The following CCDC171 variants were observed in gnomAD, a reference collection of about 807,000 sequenced individuals.
CCDC171 encodes the protein coiled-coil domain-containing protein 171.
A neutral mutation model predicts 168.2 loss-of-function variants in CCDC171; 177 were observed. The observed-to-expected ratio is 1.05, with a 90% CI of 0.93 to 1.19. The LOEUF is 1.19. Among genes scored for constraint, CCDC171 ranks in the 50% most tolerant of loss-of-function variants. CCDC171 has a pLI of 0.00. For missense variants in CCDC171, 1,991 were observed against 1,539.0 expected (o/e 1.29, Z -4.91); for synonymous variants, 687 against 540.8 (o/e 1.27, Z -3.75).
In CCDC171 at chr9:15,623,475, G is replaced by GCGCACGCGCGCGCACACA; in HGVS notation, c.822+63_822+64insGCACGCGCGCGCACACAC. On this transcript the variant is annotated intron_variant, in intron 7 of 25. Transcript: ENST00000380701. ...CAAACTTTCACATATGCGCGCGCGC[G>GCGCACGCGCGCGCACACA]CACACACACACACACACACACACAC... 4 of 315,478 alleles carry GCGCACGCGCGCGCACACA rather than the reference G, an allele frequency of 1.3e-5. No homozygotes were observed. In the East Asian group the frequency reaches 3.1e-4, roughly 25 times the overall value. 19.5% of individuals were successfully genotyped at this position (315,478 alleles called of 1,614,324 possible). A position where few individuals can be genotyped will look rare whatever the true frequency, so the allele number is the denominator to read the frequency against.
At chr9:15,631,042 A>G (rs1190631031) in intron 7 of CCDC171, among the ~76,000 whole-genome samples, 2 of 152,160 alleles carry the variant, frequency 1.3e-5, no homozygotes, top group African/African-American at 4.8e-5. Context: ...GGAAATTTAT[A>G]GCACTAAATG....
chr9:15,946,139 T>C (rs1828347527), intron 25 of CCDC171, among the ~76,000 whole-genome samples: 1 of 151,966 alleles, frequency 6.6e-6, no homozygotes, highest in Non-Finnish European at 1.5e-5. Context: ...AAATAGGGAA[T>C]CCTTTCCCCA....
At chr9:15,791,915 A>G (rs903206167) in intron 21 of CCDC171, among the ~76,000 whole-genome samples, 1 of 152,070 alleles carries the variant, frequency 6.6e-6, no homozygotes. Flanking sequence ...AAATCAGAGC[A>G]CCTCTCCCCC....
chr9:15,940,247 C>G (rs1827562251), intron 25 of CCDC171, among the ~76,000 whole-genome samples: 1 of 151,982 alleles, frequency 6.6e-6, no homozygotes, highest in Admixed American at 6.6e-5. Flanking sequence ...TGAATAAAGA[C>G]TTTTCATAGT....
chr9:15,964,070 T>C (rs534256125), intron 25 of CCDC171, among the ~76,000 whole-genome samples: 27 of 152,338 alleles, frequency 1.8e-4, no homozygotes, highest in Non-Finnish European at 2.9e-4. Context: ...AGCCATGTAC[T>C]GAGCTGTGGA....
the CCDC171 span, among the ~76,000 whole-genome samples, chr9:16,078,155 G>C: frequency 1.3e-5 from 2 of 151,656 alleles, no homozygotes; most frequent in African/African-American, 4.8e-5. Flanking sequence ...CAGTGTATAC[G>C]TATGTCAAAA....
chr9:15,830,235 G>C (rs2060173879), intron 21 of CCDC171, among the ~76,000 whole-genome samples: 1 of 152,124 alleles, frequency 6.6e-6, no homozygotes. Flanking sequence ...TTTTATGGTG[G>C]TGGAAACTTG....
chr9:15,633,493 A>T lies in CCDC171; in HGVS notation c.822+10080A>T, dbSNP rs577692362. ...AATGAGATACCATCTCACACCAGTT[A>T]GAATGGCAATCATTAAAAAGTCAGG... On this transcript the variant is annotated intron_variant, in intron 7 of 25. Transcript: ENST00000380701. Among the ~76,000 whole-genome samples the T allele has an allele frequency of 7.4e-3, 1,133 of 152,326 alleles. 9 individuals are homozygous for T. Among genetic ancestry groups the T allele is most frequent in the African/African-American group, 0.026 (1,076 of 41,568 alleles).
intron 1 of CCDC171, among the ~76,000 whole-genome samples, chr9:16,051,904 T>A (rs572706089): frequency 6.6e-6 from 1 of 152,156 alleles, no homozygotes; most frequent in African/African-American, 2.4e-5. Context: ...ATGGAGGAAG[T>A]CGAATGAGGA....
chr9:15,568,058 T>G (rs1316424421), intron 2 of CCDC171, among the ~76,000 whole-genome samples: 1 of 151,366 alleles, frequency 6.6e-6, no homozygotes, highest in Non-Finnish European at 1.5e-5. Flanking sequence ...TATAGAAGTA[T>G]AATTGATTTT....
chr9:16,102,898 C>T, the CCDC171 span, among the ~76,000 whole-genome samples: 1 of 152,200 alleles, frequency 6.6e-6, no homozygotes, highest in Non-Finnish European at 1.5e-5. Context: ...TTAGCAATCA[C>T]TTCCCTCCCC....
chr9:15,775,077 C>G (rs1379384993), intron 18 of CCDC171, among the ~76,000 whole-genome samples: 1 of 148,438 alleles, frequency 6.7e-6, no homozygotes, highest in African/African-American at 2.5e-5. Context: ...TAACCAAACA[C>G]CACCTGTTCC....
intron 3 of CCDC171, among the ~76,000 whole-genome samples, chr9:15,986,248 G>A (rs1247193001): frequency 1.3e-5 from 2 of 152,208 alleles, no homozygotes; most frequent in East Asian, 1.9e-4. Context: ...TATGTATTAC[G>A]TTGATTAAAC....
chr9:16,079,950 C>T, the CCDC171 span, among the ~76,000 whole-genome samples: 16 of 152,216 alleles, frequency 1.1e-4, no homozygotes, highest in African/African-American at 3.6e-4. Flanking sequence ...GATTCAATAA[C>T]CTGCCCAAAG....
chr9:15,824,422 G>T (rs1167522489), intron 21 of CCDC171, among the ~76,000 whole-genome samples: 1 of 151,792 alleles, frequency 6.6e-6, no homozygotes, highest in East Asian at 1.9e-4. Flanking sequence ...ATGTGTTTTG[G>T]GTGTGGTTTT....
At chr9:15,779,572 G>A (rs1588450350) in intron 20 of CCDC171, among the ~76,000 whole-genome samples, 1 of 152,042 alleles carries the variant, frequency 6.6e-6, no homozygotes, top group South Asian at 2.1e-4. Flanking sequence ...GTTGGCCGGG[G>A]TGTTCTCGAA....
chr9:16,086,001 C>CTCTT, the CCDC171 span, among the ~76,000 whole-genome samples: 1 of 152,040 alleles, frequency 6.6e-6, no homozygotes, highest in East Asian at 1.9e-4. Flanking sequence ...GGAGAAGTTT[C>CTCTT]TCTTTTTCTG....
At chr9:15,647,760 C>G (rs553346661) in intron 7 of CCDC171, among the ~76,000 whole-genome samples, 1 of 152,214 alleles carries the variant, frequency 6.6e-6, no homozygotes, top group South Asian at 2.1e-4. Flanking sequence ...AATCAATAGC[C>G]TAACCAACCA....
intron 24 of CCDC171, among the ~76,000 whole-genome samples, chr9:15,893,792 A>G (rs1820523300): frequency 6.6e-6 from 1 of 152,140 alleles, no homozygotes; most frequent in Non-Finnish European, 1.5e-5. Context: ...GATGCTGGTG[A>G]GGTCGTGGAG....
Sources: allele counts gnomAD v4.1 joint callset (sites outside exome capture counted in the v4.1 genomes callset), GRCh38; gene constraint gnomAD v4.1.1; transcripts MANE v1.5; gene names NCBI Gene and HGNC (gene_info 2026-07-23, HGNC 2026-07-21).